FNTA: variants seen among roughly 807,000 people sequenced by gnomAD.
FNTA encodes protein farnesyltransferase/geranylgeranyltransferase type-1 subunit alpha.
FNTA carries 27 observed loss-of-function variants against 55.2 expected under a neutral mutation model. The ratio of observed to expected loss-of-function variants is 0.49; its 90% CI spans 0.36 to 0.67. FNTA has a LOEUF of 0.67. Ranked by LOEUF, FNTA falls within the 30% of genes least tolerant of loss-of-function variation. FNTA has a pLI of 0.00. For missense variants in FNTA, 422 were observed against 464.7 expected, an observed-to-expected ratio of 0.91 and a Z score of 0.85; for synonymous variants, 176 against 170.7, an observed-to-expected ratio of 1.03 and a Z score of -0.24.
chr8:43,065,567 A>G (rs186093767), intron 3 of FNTA, among the ~76,000 whole-genome samples: 1 of 146,660 alleles, frequency 6.8e-6, no homozygotes, highest in East Asian at 1.9e-4. Context: ...ATTTAATAGT[A>G]TAATGACATT....
intron 2 of FNTA, among the ~76,000 whole-genome samples, chr8:43,061,611 A>G (rs1454691795): frequency 6.6e-6 from 1 of 152,260 alleles, no homozygotes; most frequent in Non-Finnish European, 1.5e-5. Flanking sequence ...TTAATACTAT[A>G]TAACCGTTAA....
intron 5 of FNTA, 37 bp from the exon 6 acceptor site, chr8:43,077,178 AT>A (rs1415792200): frequency 4.9e-6 from 7 of 1,436,168 alleles, no homozygotes; most frequent in South Asian, 4.0e-5. Context: ...ATAATGGGAC[AT>A]TTCTAATTGG....
intron 3 of FNTA, among the ~76,000 whole-genome samples, chr8:43,066,141 T>C (rs1810652812): frequency 6.6e-6 from 1 of 151,388 alleles, no homozygotes; most frequent in African/African-American, 2.5e-5. Flanking sequence ...CATTTGTTTA[T>C]CTTTTTATTT....
chr8:43,063,710 G>A (rs182860555), intron 2 of FNTA, among the ~76,000 whole-genome samples: 1 of 152,110 alleles, frequency 6.6e-6, no homozygotes. Context: ...GAACCTTTTT[G>A]TACTGTTTGA....
chr8:43,068,336 G>A (rs1221138781), intron 3 of FNTA, among the ~76,000 whole-genome samples: 4 of 152,078 alleles, frequency 2.6e-5, no homozygotes, highest in Non-Finnish European at 4.4e-5. Context: ...ACTATATATC[G>A]AGTTGGAAAT....
intron 3 of FNTA, among the ~76,000 whole-genome samples, chr8:43,064,971 G>T (rs2130548362): frequency 6.6e-6 from 1 of 151,472 alleles, no homozygotes; most frequent in South Asian, 2.1e-4. Flanking sequence ...CCAGTAGCTG[G>T]GATTACAGGT....
At chr8:43,074,479 C>T (rs1306724132) in intron 5 of FNTA, among the ~76,000 whole-genome samples, 1 of 152,252 alleles carries the variant, frequency 6.6e-6, no homozygotes, top group African/African-American at 2.4e-5. Context: ...GAGCTATGCT[C>T]ACGCCACCAC....
chr8:43,084,931 C>T (rs764113724), intron 8 of FNTA, 50 bp downstream of exon 8: 4 of 1,499,718 alleles, frequency 2.7e-6, no homozygotes, highest in African/African-American at 2.8e-5. Context: ...CAGAATTGAT[C>T]TGCCCAATAC....
intron 6 of FNTA, chr8:43,081,455 A>T (rs1381873128): frequency 6.6e-6 from 1 of 152,214 alleles, no homozygotes; most frequent in Non-Finnish European, 1.5e-5. Flanking sequence ...GAGACACTTC[A>T]TGAAGAACTT....
chr8:43,080,733 A>G lies in FNTA; in HGVS notation c.783-2385A>G, dbSNP rs528586724. 11 of 152,374 alleles carry G rather than the reference A, an allele frequency of 7.2e-5. No individual in the cohort carries two copies. The South Asian group carries it at 2.3e-3, about 32-fold the overall frequency. The allele number at this position is 152,374 out of a possible 1,614,324, so 9.4% of individuals were successfully genotyped here. On this transcript the variant is annotated intron_variant, in intron 6 of 8. Coordinates refer to ENST00000302279, the MANE Select transcript of FNTA (RefSeq NM_002027.3). ...GGGCGTTCAGTACGTACATGTGGCT[A>G]GTGACTACCATATTGGACAGCACAT...
intron 5 of FNTA, 97 bp downstream of exon 5, chr8:43,072,404 T>G: frequency 2.4e-6 from 2 of 831,328 alleles, no homozygotes; most frequent in Non-Finnish European, 3.4e-6. Context: ...AACACACACA[T>G]ACGTAGATCA....
chr8:43,073,522 C>CAT (rs376414575), intron 5 of FNTA: 1 of 152,300 alleles, frequency 6.6e-6, no homozygotes, highest in Non-Finnish European at 1.5e-5. Flanking sequence ...CTTTCACATT[C>CAT]ATTGCACTCT....
At chr8:43,080,896 G>A (rs1284238993) in intron 6 of FNTA, 1 of 152,152 alleles carries the variant, frequency 6.6e-6, no homozygotes, top group African/African-American at 2.4e-5. Context: ...CTTTTCAGAG[G>A]CAGATCACTG....
intron 4 of FNTA, among the ~76,000 whole-genome samples, chr8:43,070,591 G>A (rs771562758): frequency 5.2e-4 from 79 of 152,098 alleles, no homozygotes; most frequent in Middle Eastern, 3.2e-3. Flanking sequence ...TTCTTTTCTG[G>A]ATACTGCACA....
In FNTA at chr8:43,077,374, C is replaced by G; in HGVS notation, c.782+10C>G. On this transcript the variant is annotated intron_variant, in intron 6 of 8. Transcript: ENST00000302279. Reference sequence around the variant, plus strand: ...TGGAGAGAGAAGTCCAGTTAGTAATCTCCTTCACTTGCTCATTCGTTACAA... The same window carrying G: ...TGGAGAGAGAAGTCCAGTTAGTAATGTCCTTCACTTGCTCATTCGTTACAA... 1 of 1,598,240 alleles carries G rather than the reference C, an allele frequency of 6.3e-7. No individual in the cohort carries two copies. Among genetic ancestry groups the G allele is most frequent in the Non-Finnish European group, 8.5e-7 (1 of 1,170,584 alleles).
chr8:43,069,754 C>A, intron 4 of FNTA, 95 bp downstream of exon 4: 1 of 702,880 alleles, frequency 1.4e-6, no homozygotes, highest in South Asian at 1.6e-5. Flanking sequence ...AAGTGATTCT[C>A]CAGCTTCAGC....
intron 3 of FNTA, among the ~76,000 whole-genome samples, chr8:43,065,397 G>A (rs1400721042): frequency 6.6e-6 from 1 of 151,964 alleles, no homozygotes; most frequent in Non-Finnish European, 1.5e-5. Context: ...ACAGGTGTAC[G>A]CCACCACACC....
rs1811110403 is a variant in FNTA, at chr8:43,085,497, G to A, written c.*215G>A. The stretch of plus-strand genomic sequence containing the variant: ...TCTAAAGCAAAGTCATTGGATGGGA[G>A]GAGGAAGAAAAAGTCCCATAAAGGA... On this transcript the variant is annotated 3_prime_UTR_variant, in exon 9 of 9. Coordinates refer to ENST00000302279, the MANE Select transcript of FNTA (RefSeq NM_002027.3). 1.9e-6 allele frequency: 1 copy of A among 527,172 alleles called. No homozygotes were observed. The highest frequency in any genetic ancestry group is 3.3e-6 in the Non-Finnish European group (1 of 299,278). The allele number at this position is 527,172 out of a possible 1,614,324, so 32.7% of individuals were successfully genotyped here. A position where few individuals can be genotyped will look rare whatever the true frequency, so the allele number is the denominator to read the frequency against.
intron 5 of FNTA, 78 bp downstream of exon 5, chr8:43,072,385 C>G: frequency 8.8e-7 from 1 of 1,134,822 alleles, no homozygotes; most frequent in Non-Finnish European, 1.2e-6. Context: ...AAGTCTGTTT[C>G]TAAACCAAAA....
Sources: gnomAD v4.1 joint callset for allele counts (sites outside exome capture counted in the v4.1 genomes callset) on GRCh38, gnomAD v4.1.1 for gene constraint, MANE v1.5 for transcripts, NCBI Gene and HGNC (gene_info 2026-07-23, HGNC 2026-07-21) for gene names.